NUP160: variants seen among roughly 807,000 people sequenced by gnomAD.
NUP160 encodes the protein nucleoporin 160.
Under a neutral mutation model 196.9 loss-of-function variants are expected in NUP160, and 94 were observed. The ratio of observed to expected loss-of-function variants is 0.48; its 90% confidence interval spans 0.40 to 0.57. NUP160 has a LOEUF of 0.57. Ranked by LOEUF, NUP160 falls within the 20% of genes least tolerant of loss-of-function variation. The probability of loss-of-function intolerance (pLI) is 0.00; values close to 1 mark genes in which losing one functional copy is unlikely to be tolerated. For synonymous variants in NUP160, 605 were observed against 619.7 expected, an observed-to-expected ratio of 0.98 and a Z score of 0.35; for missense variants, 1,638 against 1,748.3, an observed-to-expected ratio of 0.94 and a Z score of 1.13.
intron 6 of NUP160, 102 bp downstream of exon 6, chr11:47,836,785 C>T: frequency 1.4e-6 from 1 of 696,164 alleles, no homozygotes; most frequent in African/African-American, 1.8e-5. Context: ...AAGTTCCAAA[C>T]CAATTGATCT....
intron 2 of NUP160, among the ~76,000 whole-genome samples, chr11:47,844,243 C>A (rs1047744464): frequency 2.6e-5 from 4 of 152,174 alleles, no homozygotes; most frequent in Non-Finnish European, 4.4e-5. Context: ...TCTCCCTGCA[C>A]CTACCCTTTC....
chr11:47,780,140 C>A (rs2097659822), intron 35 of NUP160, among the ~76,000 whole-genome samples: 1 of 152,216 alleles, frequency 6.6e-6, no homozygotes, highest in South Asian at 2.1e-4. Flanking sequence ...ATAATTAACA[C>A]TTACACAGTT....
At chr11:47,844,220 G>A (rs548456574) in intron 2 of NUP160, among the ~76,000 whole-genome samples, 2 of 152,042 alleles carry the variant, frequency 1.3e-5, no homozygotes. Flanking sequence ...TGTGGCACCA[G>A]CCTCCTAACT....
chr11:47,790,778 G>C (rs886308911), intron 29 of NUP160, among the ~76,000 whole-genome samples: 1 of 152,112 alleles, frequency 6.6e-6, no homozygotes, highest in Admixed American at 6.6e-5. Flanking sequence ...ACAGGTTTAG[G>C]CAAGTGTCCT....
chr11:47,822,112 T>G, exon 8 of NUP160: 1 of 1,610,458 alleles, frequency 6.2e-7, no homozygotes, highest in South Asian at 1.1e-5. Flanking sequence ...TGAAGAAATA[T>G]GATCGAGACT....
chr11:47,788,108 G>A (rs558725393), intron 31 of NUP160, 74 bp downstream of exon 31: 49 of 1,280,892 alleles, frequency 3.8e-5, no homozygotes, highest in South Asian at 3.5e-4. Flanking sequence ...GGCTTATGAC[G>A]ACTGTTTCAC....
Position 47,795,092 on chromosome 11 carries a change from T to C in NUP160, c.3290-2146A>G, listed in dbSNP as rs1423239114. On this transcript the variant is annotated intron_variant, in intron 27 of 35. Transcript: ENST00000378460. ...TCCAGGCTGATCGATAGAGTGAGAC[T>C]GTCTCAAAAAAAAAAGAACATAGAT... Among the ~76,000 whole-genome samples the C allele has an allele frequency of 2.6e-5, 4 of 152,032 alleles. No individual in the cohort carries two copies. In the East Asian group the frequency reaches 5.8e-4, roughly 22 times the overall value.
intron 22 of NUP160, 123 bp from the exon 23 acceptor site, chr11:47,802,053 T>A: frequency 1.2e-6 from 1 of 802,242 alleles, no homozygotes; most frequent in Non-Finnish European, 2.0e-6. Context: ...TGGTCTACTC[T>A]ATGTATAGTT....
chr11:47,804,544 C>CTCA lies in NUP160; in HGVS notation c.2676+2_2676+4dup. 6.6e-7 allele frequency: 1 copy of CTCA among 1,525,946 alleles called. No individual in the cohort carries two copies. Among genetic ancestry groups the CTCA allele is most frequent in the Non-Finnish European group, 8.7e-7 (1 of 1,142,956 alleles). The allele number at this position is 1,525,946 out of a possible 1,614,324, so 94.5% of individuals were successfully genotyped here. A position where few individuals can be genotyped will look rare whatever the true frequency, so the allele number is the denominator to read the frequency against. On this transcript the variant is annotated splice_donor_region_variant and intron_variant, in intron 21 of 35. Transcript: ENST00000378460. ...TGTAGACATGAAATGTTCAAAGGAA[C>CTCA]TCACCTGCAATTGTACATATTGGCA...
At chr11:47,802,678 T>A (rs1409063940) in intron 22 of NUP160, among the ~76,000 whole-genome samples, 1 of 152,084 alleles carries the variant, frequency 6.6e-6, no homozygotes, top group East Asian at 1.9e-4. Flanking sequence ...AAAATGTAAT[T>A]AATAAGTAAA....
At chr11:47,781,636 G>C (rs1220075812) in intron 34 of NUP160, among the ~76,000 whole-genome samples, 1 of 152,086 alleles carries the variant, frequency 6.6e-6, no homozygotes, top group Non-Finnish European at 1.5e-5. Flanking sequence ...TTTGCCATCT[G>C]TATGAGCCTG....
chr11:47,822,259 A>C, intron 7 of NUP160, 95 bp from the exon 8 acceptor site: 10 of 887,682 alleles, frequency 1.1e-5, no homozygotes, highest in Middle Eastern at 4.8e-4. Flanking sequence ...CTTTAAAAAA[A>C]AATTTTTTTT....
At chr11:47,811,459 G>C (rs1477092192) in intron 17 of NUP160, among the ~76,000 whole-genome samples, 2 of 151,200 alleles carry the variant, frequency 1.3e-5, no homozygotes, top group South Asian at 2.1e-4. Context: ...ACTCCAGCCT[G>C]GGCAACAGAG....
At chr11:47,808,991 T>C (rs1045114420) in intron 17 of NUP160, among the ~76,000 whole-genome samples, 16 of 151,630 alleles carry the variant, frequency 1.1e-4, no homozygotes, top group African/African-American at 2.9e-4. Flanking sequence ...TTCCCAACTA[T>C]TTGGGAGGCT....
At chr11:47,822,569 C>T (rs56335851) in intron 7 of NUP160, among the ~76,000 whole-genome samples, 1 of 150,478 alleles carries the variant, frequency 6.6e-6, no homozygotes. Flanking sequence ...AATTTTTTTT[C>T]TTTTCTTTTT....
At chr11:47,818,083 T>TGTG (rs779046760) in exon 11 of NUP160, 1 of 1,611,852 alleles carries the variant, frequency 6.2e-7, no homozygotes, top group Non-Finnish European at 8.5e-7. Flanking sequence ...AAGCTTCATT[T>TGTG]GTGAATTGTC....
exon 36 of NUP160, chr11:47,778,956 C>T (rs778183548): frequency 2.3e-5 from 14 of 606,266 alleles, no homozygotes; most frequent in African/African-American, 3.7e-5. Context: ...CTGACTCTTC[C>T]GCCCTCCTAT....
intron 22 of NUP160, among the ~76,000 whole-genome samples, chr11:47,802,610 G>A (rs998775039): frequency 1.3e-5 from 2 of 151,820 alleles, no homozygotes; most frequent in Non-Finnish European, 2.9e-5. Context: ...AGAACATCAG[G>A]GAAAAAATTA....
chr11:47,791,871 C>T (rs925232732), intron 29 of NUP160, 59 bp downstream of exon 29: 12 of 1,080,268 alleles, frequency 1.1e-5, no homozygotes, highest in Non-Finnish European at 1.4e-5. Flanking sequence ...CATAATACAA[C>T]TAACAATAAC....
Sources: allele counts gnomAD v4.1 joint callset (sites outside exome capture counted in the v4.1 genomes callset), GRCh38; gene constraint gnomAD v4.1.1; transcripts MANE v1.5; gene names NCBI Gene and HGNC (gene_info 2026-07-23, HGNC 2026-07-21).